Variants in RHOU observed in about 807,000 individuals in gnomAD.
RHOU encodes the protein rho-related GTP-binding protein RhoU.
In RHOU, 8 loss-of-function variants were observed where a neutral mutation model predicts 12.6. The observed-to-expected ratio is 0.64, with a 90% CI of 0.37 to 1.15. RHOU has a LOEUF of 1.15. RHOU is among the 50% of genes most tolerant of loss of function. The pLI, the probability that RHOU is intolerant of heterozygous loss-of-function variation, is 0.01. For missense variants in RHOU, 258 were observed against 347.0 expected, an observed-to-expected ratio of 0.74 and a Z score of 2.04; for synonymous variants, 161 against 147.4, an observed-to-expected ratio of 1.09 and a Z score of -0.67.
At chr1:228,739,517 C>T (rs1034133926) in intron 2 of RHOU, among the ~76,000 whole-genome samples, 1 of 152,104 alleles carries the variant, frequency 6.6e-6, no homozygotes, top group Admixed American at 6.5e-5. Flanking sequence ...GGGCTGAGAT[C>T]GCGTCACTGC....
At chr1:228,690,637 A>T in the RHOU span, among the ~76,000 whole-genome samples, 2 of 144,058 alleles carry the variant, frequency 1.4e-5, no homozygotes, top group African/African-American at 5.2e-5. Flanking sequence ...GTTTTTTTTG[A>T]GATGGAGTTT....
the RHOU span, among the ~76,000 whole-genome samples, chr1:228,686,744 G>C: frequency 2.0e-5 from 3 of 152,130 alleles, no homozygotes; most frequent in African/African-American, 7.2e-5. Context: ...AAAAAGCAAG[G>C]GAGAATTTTT....
rs1662637962 is a variant in RHOU, at chr1:228,737,766, G to A, written c.321+35G>A. ...ACGTTACAGCTCAGTGCTGGGAAAG[G>A]AAACAGCCTTTTAAAGATTTCCAAA... On this transcript the variant is annotated intron_variant, in intron 2 of 2. Coordinates refer to ENST00000366691, the MANE Select transcript of RHOU (RefSeq NM_021205.6). This position sits in a 1 kb window ranked among gnomAD's most constrained non-coding sequence, Gnocchi z 4.1. The A allele has an allele frequency of 6.2e-7, 1 of 1,605,468 alleles. No homozygotes were observed. Among genetic ancestry groups the A allele is most frequent in the Non-Finnish European group, 8.5e-7 (1 of 1,172,262 alleles).
At chr1:228,733,690 A>C (rs1458714142), upstream of RHOU, among the ~76,000 whole-genome samples, 1 of 152,216 alleles carries the variant, frequency 6.6e-6, no homozygotes, top group Non-Finnish European at 1.5e-5. Flanking sequence ...TTGCTACTGG[A>C]ACCCTTCTAG....
the RHOU span, among the ~76,000 whole-genome samples, chr1:228,674,294 T>C: frequency 1.2e-3 from 177 of 152,216 alleles, no homozygotes; most frequent in Middle Eastern, 6.8e-3. Context: ...CGTTTGAGGT[T>C]CCTGATTTTA....
the RHOU span, among the ~76,000 whole-genome samples, chr1:228,646,988 G>T: frequency 6.6e-6 from 1 of 151,492 alleles, no homozygotes; most frequent in Non-Finnish European, 1.5e-5. Context: ...GGTACAGAGG[G>T]AAGGCTAGAG....
the RHOU span, among the ~76,000 whole-genome samples, chr1:228,726,416 A>G: frequency 2.0e-5 from 3 of 152,226 alleles, no homozygotes; most frequent in Non-Finnish European, 4.4e-5. Flanking sequence ...CCATAATCCC[A>G]GCACTTTGGG....
At chr1:228,718,816 G>T in the RHOU span, among the ~76,000 whole-genome samples, 1 of 152,176 alleles carries the variant, frequency 6.6e-6, no homozygotes, top group South Asian at 2.1e-4. Context: ...GCCAGAACAT[G>T]AACTGGGAAT....
At chr1:228,668,072 A>T in the RHOU span, among the ~76,000 whole-genome samples, 284 of 152,266 alleles carry the variant, frequency 1.9e-3, 2 homozygotes, top group Middle Eastern at 0.024. Context: ...ATGGCCGATG[A>T]TTTAATCAAT....
At chr1:228,688,504 T>C in the RHOU span, among the ~76,000 whole-genome samples, 1 of 152,158 alleles carries the variant, frequency 6.6e-6, no homozygotes, top group Non-Finnish European at 1.5e-5. Context: ...TGCTCTATTA[T>C]TTAACCCCTC....
chr1:228,651,946 C>T, the RHOU span, among the ~76,000 whole-genome samples: 2 of 152,158 alleles, frequency 1.3e-5, no homozygotes, highest in Admixed American at 6.5e-5. Context: ...CTCTTGGGTC[C>T]AATGGAGGCA....
chr1:228,725,912 TA>T, the RHOU span, among the ~76,000 whole-genome samples: 1 of 152,202 alleles, frequency 6.6e-6, no homozygotes, highest in Non-Finnish European at 1.5e-5. Context: ...GGCACATGCA[TA>T]AAAATGATCT....
the RHOU span, among the ~76,000 whole-genome samples, chr1:228,673,855 C>T: frequency 6.6e-6 from 1 of 152,202 alleles, no homozygotes; most frequent in African/African-American, 2.4e-5. Context: ...TTCTAAATAG[C>T]ATATGTCTTT....
Position 228,746,542 on chromosome 1 carries a change from A to G in RHOU, c.*2802A>G, listed in dbSNP as rs1040864827. ...GGGAGCAAGGCCTTCTCTCCAGACTATCGTAACCTGGTGCCTTACCAAGTT... is the reference window on the plus strand; with the variant it reads ...GGGAGCAAGGCCTTCTCTCCAGACTGTCGTAACCTGGTGCCTTACCAAGTT... On this transcript the variant is annotated 3_prime_UTR_variant, in exon 3 of 3. Transcript: ENST00000366691. 6 of 152,234 alleles carry G rather than the reference A, an allele frequency of 3.9e-5. No individual in the cohort carries two copies. The highest frequency in any genetic ancestry group is 7.2e-5 in the African/African-American group (3 of 41,464). 9.4% of individuals were successfully genotyped at this position (152,234 alleles called of 1,614,324 possible). A position where few individuals can be genotyped will look rare whatever the true frequency, so the allele number is the denominator to read the frequency against.
the RHOU span, among the ~76,000 whole-genome samples, chr1:228,678,939 G>T: frequency 6.6e-6 from 1 of 152,126 alleles, no homozygotes; most frequent in Non-Finnish European, 1.5e-5. Context: ...GGACAGAAAG[G>T]CTACAGGGCG....
In RHOU at chr1:228,743,443, A is replaced by G. The variant is rs1427870107; in HGVS notation, c.480A>G (p.Gly160=). Residue 160 remains glycine (G), a synonymous_variant, in exon 3 of 3, where the codon GGA becomes GGG. Coordinates refer to ENST00000366691, the MANE Select transcript of RHOU (RefSeq NM_021205.6). The surrounding 1 kb of genome is among the most constrained non-coding windows in gnomAD (Gnocchi z 5.1). ...HCPKAPIILV[G]TQSDLREDVK... ...CCAAAGCCCCCATCATCCTAGTTGGAACGCAGTCGGATCTCAGAGAAGATG... is the reference window on the plus strand; with the variant it reads ...CCAAAGCCCCCATCATCCTAGTTGGGACGCAGTCGGATCTCAGAGAAGATG... 3 of 1,614,188 alleles carry G rather than the reference A, an allele frequency of 1.9e-6. No homozygotes were observed. The highest frequency in any genetic ancestry group is 3.3e-5 in the Admixed American group (2 of 60,016).
At chr1:228,689,466 T>C in the RHOU span, among the ~76,000 whole-genome samples, 1 of 152,166 alleles carries the variant, frequency 6.6e-6, no homozygotes, top group Non-Finnish European at 1.5e-5. Context: ...GTCTGCTGAC[T>C]GTAGTGCTGC....
chr1:228,661,863 C>A, the RHOU span, among the ~76,000 whole-genome samples: 1 of 152,022 alleles, frequency 6.6e-6, no homozygotes, highest in Non-Finnish European at 1.5e-5. Context: ...TCTGCACAGC[C>A]AAAGAAACTA....
chr1:228,659,534 T>TA, the RHOU span, among the ~76,000 whole-genome samples: 8,858 of 145,678 alleles, frequency 0.061, 332 homozygotes, highest in Non-Finnish European at 0.085. Context: ...AACAGAGCAT[T>TA]AAAAAAAAAG....
Sources: allele counts gnomAD v4.1 joint callset (sites outside exome capture counted in the v4.1 genomes callset), GRCh38; gene constraint gnomAD v4.1.1; non-coding constraint Gnocchi (gnomAD v3.1); transcripts MANE v1.5; gene names NCBI Gene and HGNC (gene_info 2026-07-23, HGNC 2026-07-21).